NELL1: variants seen among roughly 807,000 people sequenced by gnomAD.
The protein encoded by NELL1 is protein kinase C-binding protein NELL1.
NELL1 carries 76 observed loss-of-function variants against 107.4 expected under a neutral mutation model. The observed-to-expected ratio is 0.71, with a 90% CI of 0.59 to 0.86. The LOEUF is 0.86. Among genes scored for constraint, NELL1 ranks in the 40% least tolerant of loss-of-function variants. NELL1 has a pLI of 0.00. For missense variants in NELL1, 1,024 were observed against 1,005.5 expected, an observed-to-expected ratio of 1.02 and a Z score of -0.25; for synonymous variants, 353 against 341.2, an observed-to-expected ratio of 1.03 and a Z score of -0.38.
intron 3 of NELL1, among the ~76,000 whole-genome samples, chr11:20,829,406 T>C (rs1484798641): frequency 1.3e-5 from 2 of 152,058 alleles, no homozygotes; most frequent in African/African-American, 4.8e-5. Flanking sequence ...TTTGTATTTT[T>C]TAGTAGAGAA....
chr11:20,915,303 G>A (rs1850221740), intron 5 of NELL1, among the ~76,000 whole-genome samples: 1 of 151,820 alleles, frequency 6.6e-6, no homozygotes, highest in Non-Finnish European at 1.5e-5. Flanking sequence ...TTTTCAAAGT[G>A]AGGTCCTTTT....
At chr11:21,269,152 A>G (rs936596137) in intron 14 of NELL1, among the ~76,000 whole-genome samples, 1 of 152,110 alleles carries the variant, frequency 6.6e-6, no homozygotes, top group Non-Finnish European at 1.5e-5. Flanking sequence ...CAAAACAAAA[A>G]GCCAAAGAAC....
intron 14 of NELL1, among the ~76,000 whole-genome samples, chr11:21,342,360 G>T (rs1227586981): frequency 1.4e-5 from 2 of 143,804 alleles, no homozygotes; most frequent in African/African-American, 5.0e-5. Context: ...CTTAAATACT[G>T]CTGGGCATGG....
At chr11:21,413,682 C>G (rs1052808834) in intron 15 of NELL1, among the ~76,000 whole-genome samples, 1 of 152,046 alleles carries the variant, frequency 6.6e-6, no homozygotes, top group African/African-American at 2.4e-5. Flanking sequence ...GGCCCAACTG[C>G]ATGGTCACCC....
intron 2 of NELL1, among the ~76,000 whole-genome samples, chr11:20,736,164 G>A (rs1359423112): frequency 1.3e-5 from 2 of 152,152 alleles, no homozygotes; most frequent in Non-Finnish European, 2.9e-5. Context: ...CAAGTGGGGG[G>A]TGAAGGTTTG....
intron 7 of NELL1, among the ~76,000 whole-genome samples, chr11:20,923,826 A>G (rs919877432): frequency 3.3e-5 from 5 of 152,222 alleles, no homozygotes; most frequent in African/African-American, 9.6e-5. Flanking sequence ...TTTTTGATTA[A>G]GCTTAAATGT....
intron 4 of NELL1, among the ~76,000 whole-genome samples, chr11:20,855,386 G>C (rs188687843): frequency 8.4e-4 from 128 of 152,236 alleles, no homozygotes; most frequent in African/African-American, 2.8e-3. Context: ...TTTATCTGAT[G>C]GTTTGTTGGC....
chr11:20,689,563 A>G (rs1197764941), intron 2 of NELL1, among the ~76,000 whole-genome samples: 1 of 148,924 alleles, frequency 6.7e-6, no homozygotes, highest in South Asian at 2.1e-4. Context: ...GCGATAGTTT[A>G]CTGAGAATGA....
intron 14 of NELL1, among the ~76,000 whole-genome samples, chr11:21,325,908 C>T (rs1850121043): frequency 6.6e-6 from 1 of 151,790 alleles, no homozygotes; most frequent in Non-Finnish European, 1.5e-5. Context: ...TGACAAGTTT[C>T]TTTCATCCAG....
intron 14 of NELL1, among the ~76,000 whole-genome samples, chr11:21,349,899 T>G (rs558236769): frequency 6.6e-6 from 1 of 152,166 alleles, no homozygotes; most frequent in Non-Finnish European, 1.5e-5. Context: ...ATATGGCCTT[T>G]TATTAAATGT....
At chr11:21,182,270 C>T (rs1298410383) in intron 13 of NELL1, among the ~76,000 whole-genome samples, 2 of 151,546 alleles carry the variant, frequency 1.3e-5, no homozygotes, top group Non-Finnish European at 2.9e-5. Flanking sequence ...CCCGTCTCTA[C>T]TAAAAATACA....
At chr11:20,805,153 A>G (rs138860396) in intron 3 of NELL1, among the ~76,000 whole-genome samples, 2,349 of 151,762 alleles carry the variant, frequency 0.015, 75 homozygotes, top group African/African-American at 0.054. Context: ...TTTTCAGTCT[A>G]TGTGTGTCTT....
At chr11:21,306,631 A>C (rs886605963) in intron 14 of NELL1, among the ~76,000 whole-genome samples, 2 of 152,082 alleles carry the variant, frequency 1.3e-5, no homozygotes, top group African/African-American at 4.8e-5. Flanking sequence ...ACCTTTACTC[A>C]GATGAAACTC....
chr11:21,251,285 C>T (rs909952581), intron 14 of NELL1, among the ~76,000 whole-genome samples: 4 of 151,866 alleles, frequency 2.6e-5, no homozygotes, highest in African/African-American at 9.7e-5. Flanking sequence ...ACTTAAGCAC[C>T]CAGAGATTAG....
intron 14 of NELL1, among the ~76,000 whole-genome samples, chr11:21,265,066 A>G (rs1848610316): frequency 6.6e-6 from 1 of 151,942 alleles, no homozygotes; most frequent in Non-Finnish European, 1.5e-5. Context: ...AAGGGAAGAT[A>G]AAAGATAAGC....
At chr11:20,895,132 C>T (rs1484755230) in intron 5 of NELL1, among the ~76,000 whole-genome samples, 4 of 143,852 alleles carry the variant, frequency 2.8e-5, no homozygotes, top group Admixed American at 1.4e-4. Context: ...ATTAGCCGGG[C>T]GTAGTGGCGG....
At chr11:21,194,158 T>C (rs1484843516) in intron 13 of NELL1, among the ~76,000 whole-genome samples, 1 of 151,790 alleles carries the variant, frequency 6.6e-6, no homozygotes, top group Non-Finnish European at 1.5e-5. Context: ...AGTTACCAGA[T>C]GGCATTTCTA....
At chr11:21,107,594 TG>T (rs1401028823) in intron 12 of NELL1, among the ~76,000 whole-genome samples, 3 of 152,110 alleles carry the variant, frequency 2.0e-5, no homozygotes, top group African/African-American at 7.2e-5. Context: ...CAAGAAATAG[TG>T]TGGGGGCTCG....
intron 3 of NELL1, among the ~76,000 whole-genome samples, chr11:20,801,348 G>A (rs1388750278): frequency 6.6e-6 from 1 of 152,156 alleles, no homozygotes; most frequent in Admixed American, 6.5e-5. Context: ...GATACAAAAT[G>A]GCAGAGCCAG....
Sources: gnomAD v4.1 joint callset for allele counts (sites outside exome capture counted in the v4.1 genomes callset) on GRCh38, gnomAD v4.1.1 for gene constraint, MANE v1.5 for transcripts, NCBI Gene and HGNC (gene_info 2026-07-23, HGNC 2026-07-21) for gene names.